Variants in PODXL2 observed in about 807,000 individuals in gnomAD.
The protein encoded by PODXL2 is podocalyxin-like protein 2.
A neutral mutation model predicts 53.4 loss-of-function variants in PODXL2; 17 were observed. The observed-to-expected ratio is 0.32, with a 90% CI of 0.22 to 0.48. The LOEUF is 0.48. Ranked by LOEUF, PODXL2 falls within the 20% of genes least tolerant of loss-of-function variation. PODXL2 has a pLI of 0.99. For synonymous variants in PODXL2, 311 were observed against 306.7 expected (o/e 1.01, Z -0.15); for missense variants, 673 against 760.0 (o/e 0.89, Z 1.35).
At chr3:127,638,774 A>T (rs1332986131) in intron 1 of PODXL2, among the ~76,000 whole-genome samples, 2 of 152,236 alleles carry the variant, frequency 1.3e-5, no homozygotes, top group Non-Finnish European at 2.9e-5. Context: ...TTGCTGAAAT[A>T]CAAATGATAT....
chr3:127,660,797 G>C lies in PODXL2; in HGVS notation c.769G>C (p.Asp257His). 11 of 1,614,210 alleles carry C rather than the reference G, an allele frequency of 6.8e-6. No homozygotes were observed. The highest frequency in any genetic ancestry group is 9.3e-6 in the Non-Finnish European group (11 of 1,180,028). The change falls in exon 3 of 8, where the codon GAC (aspartate) becomes CAC (histidine). Residue 257 changes from aspartate (D) to histidine (H), a missense_variant. Physicochemically the swap from Asp to His is moderately conservative, Grantham distance 81. Coordinates refer to ENST00000342480, the MANE Select transcript of PODXL2 (RefSeq NM_015720.4). Reference sequence around the variant, plus strand: ...CACCCCAACTACAGTGACTCCGGGGGACCAGGACTCCACCAGCCAAGAGGC... The same window carrying C: ...CACCCCAACTACAGTGACTCCGGGGCACCAGGACTCCACCAGCCAAGAGGC... ...SVTPTTVTPG[D>H]QDSTSQEAEA...
intron 7 of PODXL2, among the ~76,000 whole-genome samples, 196 bp downstream of exon 7, chr3:127,671,809 GAGGGGGCTGCTAGCCCCACC>G (rs2074844054): frequency 6.6e-6 from 1 of 152,224 alleles, no homozygotes; most frequent in African/African-American, 2.4e-5. Context: ...TGCAGGGAGT[GAGGGGGCTGCTAGCCCCACC>G]AGGGGGCCCC....
chr3:127,662,121 C>T (rs981977619), intron 3 of PODXL2, 116 bp from the exon 4 acceptor site: 5 of 780,954 alleles, frequency 6.4e-6, no homozygotes, highest in South Asian at 1.5e-5. Context: ...CGCTGTAATA[C>T]GCCTCCACTG....
intron 2 of PODXL2, among the ~76,000 whole-genome samples, chr3:127,648,050 A>G (rs2074666809): frequency 1.3e-5 from 2 of 152,164 alleles, no homozygotes; most frequent in Admixed American, 1.3e-4. Flanking sequence ...TTAACCTCAC[A>G]GCAACCTGAT....
chr3:127,636,690 G>T (rs2074580396), intron 1 of PODXL2, among the ~76,000 whole-genome samples: 1 of 152,210 alleles, frequency 6.6e-6, no homozygotes, highest in Non-Finnish European at 1.5e-5. Flanking sequence ...TTCCGGATGG[G>T]GTGTGATAGC....
intron 2 of PODXL2, among the ~76,000 whole-genome samples, chr3:127,644,515 A>T (rs2074641303): frequency 6.6e-6 from 1 of 152,102 alleles, no homozygotes; most frequent in Non-Finnish European, 1.5e-5. Flanking sequence ...GTAAGCAGTC[A>T]CGCAGAGAGC....
chr3:127,630,045 G>A (rs570407662), intron 1 of PODXL2, among the ~76,000 whole-genome samples: 6 of 152,310 alleles, frequency 3.9e-5, no homozygotes, highest in Non-Finnish European at 5.9e-5. Flanking sequence ...GGTGTGAAAG[G>A]GATGTGTCTG....
At chr3:127,648,006 A>G (rs2074666611) in intron 2 of PODXL2, among the ~76,000 whole-genome samples, 2 of 152,206 alleles carry the variant, frequency 1.3e-5, no homozygotes, top group African/African-American at 4.8e-5. Flanking sequence ...TAAAGTGCCT[A>G]TACTTCATAT....
intron 1 of PODXL2, among the ~76,000 whole-genome samples, chr3:127,632,736 GAGTTTGT>G (rs890453106): frequency 2.0e-5 from 3 of 152,208 alleles, no homozygotes; most frequent in African/African-American, 7.2e-5. Flanking sequence ...CACTTCCCAA[GAGTTTGT>G]AATTTTCCTG....
rs187537020 is a variant in PODXL2 at position 127,660,529 on chromosome 3, A to C, written c.501A>C (p.Glu167Asp). The C allele has an allele frequency of 6.2e-7, 1 of 1,613,876 alleles. No individual in the cohort carries two copies. Among genetic ancestry groups the C allele is most frequent in the Admixed American group, 1.7e-5 (1 of 60,022 alleles). Residue 167 changes from glutamate (E) to aspartate (D), a missense_variant, in exon 3 of 8, where the codon GAA becomes GAC. Physicochemically the swap from Glu to Asp is conservative, Grantham distance 45 (BLOSUM62 2). Around this residue, in one of 3 missense-constraint regions of PODXL2, gnomAD observed 588 missense variants for 668.3 expected, o/e 0.88. Transcript: ENST00000342480. ...CTCCCAGAGAGGAGGAAGAAGAGGAAGAGGAAGAGGAGGAGAGGGAGAAGG... is the reference window on the plus strand; with the variant it reads ...CTCCCAGAGAGGAGGAAGAAGAGGACGAGGAAGAGGAGGAGAGGGAGAAGG... Reference protein sequence around the residue: ...HMPPREEEEEEEEEEEREKEE... With the variant: ...HMPPREEEEEDEEEEEREKEE...
rs1576439255 is a variant in PODXL2, at chr3:127,672,699, C to T, written c.*219C>T. ...GGGCAGGCCTCAAAGCCCGCCTTGG[C>T]CCCGCTTTCCCGCCCCTGAACCCCG... is the stretch of plus-strand genomic sequence containing the variant. On this transcript the variant is annotated 3_prime_UTR_variant, in exon 8 of 8. Transcript: ENST00000342480. 7.0e-5 allele frequency: 31 copies of T among 443,676 alleles called. No homozygotes were observed. The East Asian group carries it at 9.6e-4, about 14-fold the overall frequency. The allele number at this position is 443,676 out of a possible 1,614,324, so 27.5% of individuals were successfully genotyped here. A position where few individuals can be genotyped will look rare whatever the true frequency, so the allele number is the denominator to read the frequency against.
chr3:127,672,759 C>G lies in PODXL2; in HGVS notation c.*279C>G. 1.0e-5 allele frequency: 4 copies of G among 393,924 alleles called. No individual in the cohort carries two copies. Among genetic ancestry groups the G allele is most frequent in the Non-Finnish European group, 1.8e-5 (4 of 226,300 alleles). 24.4% of individuals were successfully genotyped at this position (393,924 alleles called of 1,614,324 possible). ...GCGGCGGGCGGCGCTTCCTGCGCCC[C>G]GGGACTCAATTAAACCCGCCCGGAG... On this transcript the variant is annotated 3_prime_UTR_variant, in exon 8 of 8. Transcript: ENST00000342480.
At chr3:127,668,968 T>TG (rs1331963820) in intron 5 of PODXL2, among the ~76,000 whole-genome samples, 173 bp from the exon 6 acceptor site, 1 of 152,080 alleles carries the variant, frequency 6.6e-6, no homozygotes, top group Non-Finnish European at 1.5e-5. Flanking sequence ...ATCGATGCAG[T>TG]GGAAAGCATG....
In PODXL2 at chr3:127,641,557, A is replaced by C. The variant is rs1461949458; in HGVS notation, c.349+2034A>C. Among the ~76,000 whole-genome samples, 2 of 151,660 alleles carry C rather than the reference A, an allele frequency of 1.3e-5. 1 individual carries two copies. The highest frequency in any genetic ancestry group is 6.3e-3 in the Middle Eastern group (2 of 316). ...AGACGGAGTTTTGCTCTTGTTGCCCAGGCTGGAGTGCAGTGGTGCCATCTT... is the reference window on the plus strand; with the variant it reads ...AGACGGAGTTTTGCTCTTGTTGCCCCGGCTGGAGTGCAGTGGTGCCATCTT... On this transcript the variant is annotated intron_variant, in intron 2 of 7. Transcript: ENST00000342480.
chr3:127,639,001 C>G (rs914399211), intron 1 of PODXL2, among the ~76,000 whole-genome samples: 3 of 152,208 alleles, frequency 2.0e-5, no homozygotes, highest in African/African-American at 7.2e-5. Flanking sequence ...AGTGATTCCT[C>G]TCTCTCCCCT....
In PODXL2 at chr3:127,672,482, C is replaced by T. The variant is rs1361016104; in HGVS notation, c.*2C>T. ...TTCGAGGAGGACACGCACCTGTGAG[C>T]GCAGCCGAGGCGCAGGCCGAGTGGG... is the stretch of plus-strand genomic sequence containing the variant. On this transcript the variant is annotated 3_prime_UTR_variant, in exon 8 of 8. Coordinates refer to ENST00000342480, the MANE Select transcript of PODXL2 (RefSeq NM_015720.4). 2.0e-6 allele frequency: 3 copies of T among 1,491,278 alleles called. No homozygotes were observed. The highest frequency in any genetic ancestry group is 2.1e-5 in the Admixed American group (1 of 46,782). The allele number at this position is 1,491,278 out of a possible 1,614,324, so 92.4% of individuals were successfully genotyped here.
intron 4 of PODXL2, among the ~76,000 whole-genome samples, chr3:127,667,484 G>A (rs189327859): frequency 6.6e-6 from 1 of 152,372 alleles, no homozygotes; most frequent in Admixed American, 6.5e-5. Flanking sequence ...GGAGGGAGAA[G>A]GCTGCTGGGG....
At chr3:127,648,101 A>G (rs1183209656) in intron 2 of PODXL2, among the ~76,000 whole-genome samples, 1 of 152,246 alleles carries the variant, frequency 6.6e-6, no homozygotes, top group Admixed American at 6.5e-5. Flanking sequence ...ACTGTTTTAC[A>G]GCTAAAGAAG....
chr3:127,652,313 G>A (rs534869593), intron 2 of PODXL2, among the ~76,000 whole-genome samples: 1 of 152,280 alleles, frequency 6.6e-6, no homozygotes, highest in South Asian at 2.1e-4. Context: ...TGTTCTGAGG[G>A]CTCTGGGGAA....
Sources: gnomAD v4.1 joint callset for allele counts (sites outside exome capture counted in the v4.1 genomes callset) on GRCh38, gnomAD v4.1.1 for gene constraint, gnomAD v4.1.1 regional missense constraint, MANE v1.5 for transcripts, NCBI Gene and HGNC (gene_info 2026-07-23, HGNC 2026-07-21) for gene names.